Variants in CD93 observed in about 807,000 individuals in gnomAD.
CD93 encodes CD93 molecule.
CD93 carries 44 observed loss-of-function variants against 45.5 expected under a neutral mutation model. The observed-to-expected ratio is 0.97, with a 90% CI of 0.76 to 1.24. The LOEUF is 1.24. Among genes scored for constraint, CD93 ranks in the 50% most tolerant of loss-of-function variants. The pLI is 0.00. For synonymous variants in CD93, 431 were observed against 370.8 expected, an observed-to-expected ratio of 1.16 and a Z score of -1.87; for missense variants, 918 against 844.5, an observed-to-expected ratio of 1.09 and a Z score of -1.08.
At position 23,081,548 on chromosome 20, in the gene CD93, C is replaced by T. The variant is rs759151945; in HGVS notation, c.*2402G>A. The stretch of plus-strand genomic sequence containing the variant: ...CTGGTTGGGTTGCTGGCTCTCCCCC[C>T]GTGGTGGGAGTGGTGTGCAAGAGAA... On this transcript the variant is annotated 3_prime_UTR_variant, in exon 2 of 2. Coordinates refer to ENST00000246006, the MANE Select transcript of CD93 (RefSeq NM_012072.4). 6 of 152,364 alleles carry T rather than the reference C, an allele frequency of 3.9e-5. No individual in the cohort carries two copies. Among genetic ancestry groups the T allele is most frequent in the East Asian group, 1.9e-4 (1 of 5,184 alleles). The allele number at this position is 152,364 out of a possible 1,614,324, so 9.4% of individuals were successfully genotyped here.
In CD93 at chr20:23,084,957, C is replaced by T. The variant is rs1985440696; in HGVS notation, c.1236G>A (p.Glu412=). The change falls in exon 1 of 2, where the codon GAG becomes GAA. Residue 412 remains glutamate, a synonymous_variant. Transcript: ENST00000246006. ...CCTCCCCGGCCAGGACGTAGCCCTCCTCACAGGAGCAGTGAAATGAGCCAT... is the reference window on the plus strand; with the variant it reads ...CCTCCCCGGCCAGGACGTAGCCCTCTTCACAGGAGCAGTGAAATGAGCCAT... ...NTDGSFHCSC[E]EGYVLAGEDG... The T allele has an allele frequency of 2.1e-5, 34 of 1,613,672 alleles. No individual in the cohort carries two copies. Among genetic ancestry groups the T allele is most frequent in the African/African-American group, 2.7e-5 (2 of 74,932 alleles).
rs201425730 is a variant in CD93 at position 23,084,876 on chromosome 20, G to C, written c.1317C>G (p.Cys439Trp). 5 of 1,612,880 alleles carry C rather than the reference G, an allele frequency of 3.1e-6. No homozygotes were observed. The highest frequency in any genetic ancestry group is 1.1e-5 in the South Asian group (1 of 91,042). Residue 439 changes from cysteine to tryptophan, a missense_variant, in exon 1 of 2, where the codon TGC (cysteine) becomes TGG (tryptophan). Coordinates refer to ENST00000246006, the MANE Select transcript of CD93 (RefSeq NM_012072.4). Reference sequence around the variant, plus strand: ...CTTGTGTGTTGAAGCACAAGCTGTCGCAGAGGGGGCCCCCCGGGCCCACAC... The same window carrying C: ...CTTGTGTGTTGAAGCACAAGCTGTCCCAGAGGGGGCCCCCCGGGCCCACAC... Reference protein sequence around the residue: ...DECVGPGGPLCDSLCFNTQGS... With the variant: ...DECVGPGGPLWDSLCFNTQGS...
chr20:23,086,319 G>T lies in CD93; in HGVS notation c.-127C>A. On this transcript the variant is annotated 5_prime_UTR_variant, in exon 1 of 2. Transcript: ENST00000246006. ...GCTGCAGCCACTCCGGCGCAGAGAA[G>T]GACACAAAGGCTGAGGGCTTTCCAC... 1.7e-6 allele frequency: 2 copies of T among 1,204,894 alleles called. No homozygotes were observed. The highest frequency in any genetic ancestry group is 2.2e-6 in the Non-Finnish European group (2 of 889,462). 74.6% of individuals were successfully genotyped at this position (1,204,894 alleles called of 1,614,324 possible).
Position 23,084,359 on chromosome 20 carries a change from T to A in CD93, c.1834A>T (p.Lys612Ter). Residue 612 changes from lysine to a stop codon, truncating the protein, a stop_gained, in exon 1 of 2, where the codon AAG becomes TAG. Transcript: ENST00000246006. LOFTEE classifies it high-confidence loss of function. ...GLLVYRKRRA[K>*]REEKKEKKPQ... ...TTCTTCTCCTTCTTCTCCTCCCTCTTCGCTCTCCGCTTGCGATAGACCAGT... is the reference window on the plus strand; with the variant it reads ...TTCTTCTCCTTCTTCTCCTCCCTCTACGCTCTCCGCTTGCGATAGACCAGT... 6.2e-7 allele frequency: 1 copy of A among 1,614,212 alleles called. No individual in the cohort carries two copies. The highest frequency in any genetic ancestry group is 2.2e-5 in the East Asian group (1 of 44,886).
Position 23,085,130 on chromosome 20 carries a change from C to A in CD93, c.1063G>T (p.Ala355Ser). 1 of 1,586,420 alleles carries A rather than the reference C, an allele frequency of 6.3e-7. No individual in the cohort carries two copies. Among genetic ancestry groups the A allele is most frequent in the South Asian group, 1.2e-5 (1 of 86,440 alleles). The change falls in exon 1 of 2, where the codon GCC becomes TCC. Residue 355 changes from alanine to serine, a missense_variant. Transcript: ENST00000246006. ...CCAGGGGTGTTGACACACTCCTGGGCACAGGGGGAGTCCTGGCATTCATCC... is the reference window on the plus strand; with the variant it reads ...CCAGGGGTGTTGACACACTCCTGGGAACAGGGGGAGTCCTGGCATTCATCC... ...DVDECQDSPC[A>S]QECVNTPGGF...
Position 23,085,567 on chromosome 20 carries a change from C to T in CD93, c.626G>A (p.Ser209Asn), listed in dbSNP as rs1319914466. 1 of 1,613,916 alleles carries T rather than the reference C, an allele frequency of 6.2e-7. No homozygotes were observed. ...VTYTTPFQTT[S>N]SSLEAVPFAS... ...AAAGGGCACAGCCTCCAAGGAGGAA[C>T]TGGTGGTCTGGAAGGGGGTGGTGTA... The change falls in exon 1 of 2, where the codon AGT becomes AAT. Residue 209 changes from serine to asparagine, a missense_variant. Transcript: ENST00000246006.
chr20:23,085,659 G>T lies in CD93; in HGVS notation c.534C>A (p.Phe178Leu). The T allele has an allele frequency of 6.2e-7, 1 of 1,611,568 alleles. No individual in the cohort carries two copies. Among genetic ancestry groups the T allele is most frequent in the Non-Finnish European group, 8.5e-7 (1 of 1,179,364 alleles). Residue 178 changes from phenylalanine (F) to leucine (L), a missense_variant, in exon 1 of 2, where the codon TTC (phenylalanine) becomes TTA (leucine). Physicochemically the swap from Phe to Leu is conservative, Grantham distance 22 (BLOSUM62 0). Transcript: ENST00000246006. ...TGCCTTTGAAGCTGAACTTGCACAC[G>T]AAGCCCTCAATGTTACTTCCGGGGG... ...PGSPGSNIEG[F>L]VCKFSFKGMC...
chr20:23,079,586 C>A lies in CD93; in HGVS notation c.*4364G>T, dbSNP rs1329632139. ...GAATTAGTCAAACAAATTTGAAATA[C>A]ACACATTTAAAAATACTTACATTCT... On this transcript the variant is annotated 3_prime_UTR_variant, in exon 2 of 2. Transcript: ENST00000246006. 1.3e-5 allele frequency: 2 copies of A among 152,152 alleles called. No individual in the cohort carries two copies. Among genetic ancestry groups the A allele is most frequent in the Non-Finnish European group, 1.5e-5 (1 of 68,024 alleles). 9.4% of individuals were successfully genotyped at this position (152,152 alleles called of 1,614,324 possible). A position where few individuals can be genotyped will look rare whatever the true frequency, so the allele number is the denominator to read the frequency against.
rs764491469 is a variant in CD93 at position 23,084,427 on chromosome 20, G to A, written c.1766C>T (p.Thr589Ile). ...QKLLLFYILG[T>I]VVAILLLLAL... ...CAGCAGGAGTAGGATGGCCACCACG[G>A]TGCCTAGGATGTAGAATAAAAGCAG... Residue 589 changes from threonine to isoleucine, a missense_variant, in exon 1 of 2, where the codon ACC (threonine) becomes ATC (isoleucine). By Grantham distance (89) the Thr-to-Ile change is moderately conservative (BLOSUM62 -1). Transcript: ENST00000246006. 5 of 1,614,218 alleles carry A rather than the reference G, an allele frequency of 3.1e-6. No individual in the cohort carries two copies. In the Admixed American group the frequency reaches 8.3e-5, roughly 27 times the overall value.
chr20:23,085,528 T>G lies in CD93; in HGVS notation c.665A>C (p.Asn222Thr). ...CTTGTCACCTTCCCCACAGGCTACA[T>G]TGGCCGCAGAGGCAAAGGGCACAGC... Reference protein sequence around the residue: ...LEAVPFASAANVACGEGDKDE... With the variant: ...LEAVPFASAATVACGEGDKDE... The change falls in exon 1 of 2, where the codon AAT becomes ACT. Residue 222 changes from asparagine (N) to threonine (T), a missense_variant. By Grantham distance (65) the Asn-to-Thr change is moderately conservative (BLOSUM62 0). Transcript: ENST00000246006. 6.2e-7 allele frequency: 1 copy of G among 1,613,928 alleles called. No individual in the cohort carries two copies. The highest frequency in any genetic ancestry group is 8.5e-7 in the Non-Finnish European group (1 of 1,180,028).
At chr20:23,084,041 G>A in intron 1 of CD93, 67 bp from the exon 2 acceptor site, 1 of 1,589,664 alleles carries the variant, frequency 6.3e-7, no homozygotes, top group Admixed American at 1.7e-5. Context: ...CCCCACCTTG[G>A]GAGAGAGCCC....
In CD93 at chr20:23,084,717, G is replaced by T; in HGVS notation, c.1476C>A (p.Ser492Arg). The change falls in exon 1 of 2, where the codon AGC (serine) becomes AGA (arginine). Residue 492 changes from serine (S) to arginine (R), a missense_variant. By Grantham distance (110) the Ser-to-Arg change is moderately radical. Transcript: ENST00000246006. ...DEEDKGEKEGSTVPRAATASP... is the reference protein window; with the variant it reads ...DEEDKGEKEGRTVPRAATASP... Reference sequence around the variant, plus strand: ...TGGCTGTTGCAGCACGGGGCACGGTGCTCCCTTCTTTCTCTCCTTTGTCCT... The same window carrying T: ...TGGCTGTTGCAGCACGGGGCACGGTTCTCCCTTCTTTCTCTCCTTTGTCCT... 1.9e-6 allele frequency: 3 copies of T among 1,597,482 alleles called. No homozygotes were observed. Among genetic ancestry groups the T allele is most frequent in the East Asian group, 2.2e-5 (1 of 44,740 alleles).
rs1985280522 is a variant in CD93 at position 23,079,912 on chromosome 20, G to C, written c.*4038C>G. On this transcript the variant is annotated 3_prime_UTR_variant, in exon 2 of 2. Transcript: ENST00000246006. ...AGTGAGTATTTGTCTCAGGAATCTA[G>C]TATGAAAATAGTGTCTTTGATTAGT... is the stretch of plus-strand genomic sequence containing the variant. 6.6e-6 allele frequency: 1 copy of C among 151,636 alleles called. No individual in the cohort carries two copies. Among genetic ancestry groups the C allele is most frequent in the Non-Finnish European group, 1.5e-5 (1 of 67,970 alleles). 9.4% of individuals were successfully genotyped at this position (151,636 alleles called of 1,614,324 possible).
At position 23,085,713 on chromosome 20, in the gene CD93, C is replaced by A. The variant is rs1407657203; in HGVS notation, c.480G>T (p.Trp160Cys). Residue 160 changes from tryptophan (W) to cysteine (C), a missense_variant, in exon 1 of 2, where the codon TGG becomes TGT. Physicochemically the swap from Trp to Cys is radical, Grantham distance 215. Coordinates refer to ENST00000246006, the MANE Select transcript of CD93 (RefSeq NM_012072.4). ...QPLLPSRLPK[W>C]SEGPCGSPGS... ...CTGGGCTCCCACAGGGGCCCTCAGA[C>A]CACTTGGGGAGGCGGCTGGGAAGGA... 1 of 1,611,438 alleles carries A rather than the reference C, an allele frequency of 6.2e-7. No homozygotes were observed. Among genetic ancestry groups the A allele is most frequent in the East Asian group, 2.2e-5 (1 of 44,876 alleles).
chr20:23,085,882 C>A lies in CD93; in HGVS notation c.311G>T (p.Cys104Phe). 6.3e-7 allele frequency: 1 copy of A among 1,580,522 alleles called. No individual in the cohort carries two copies. Among genetic ancestry groups the A allele is most frequent in the Admixed American group, 1.8e-5 (1 of 57,008 alleles). Residue 104 changes from cysteine to phenylalanine, a missense_variant, in exon 1 of 2, where the codon TGC becomes TTC. Transcript: ENST00000246006. ...WIGLQREKGKCLDPSLPLKGF... is the reference protein window; with the variant it reads ...WIGLQREKGKFLDPSLPLKGF... The stretch of plus-strand genomic sequence containing the variant: ...CTTCAGCGGCAGACTAGGGTCCAGG[C>A]ACTTGCCCTTCTCTCGCTGGAGCCC...
chr20:23,084,151 T>C (rs1985403135), intron 1 of CD93, 108 bp downstream of exon 1: 2 of 1,459,642 alleles, frequency 1.4e-6, no homozygotes, highest in Non-Finnish European at 1.9e-6. Flanking sequence ...CCAGGGTGTG[T>C]CTGCCCACAG....
rs953312046 is a variant in CD93 at position 23,083,217 on chromosome 20, T to C, written c.*733A>G. 3 of 152,276 alleles carry C rather than the reference T, an allele frequency of 2.0e-5. No individual in the cohort carries two copies. Among genetic ancestry groups the C allele is most frequent in the Admixed American group, 1.3e-4 (2 of 15,282 alleles). The allele number at this position is 152,276 out of a possible 1,614,324, so 9.4% of individuals were successfully genotyped here. On this transcript the variant is annotated 3_prime_UTR_variant, in exon 2 of 2. Transcript: ENST00000246006. ...TCTCTCGCCCTAGCCCCGTAGATTATGTGACTTCACAAACACCTGTAATGC... is the reference window on the plus strand; with the variant it reads ...TCTCTCGCCCTAGCCCCGTAGATTACGTGACTTCACAAACACCTGTAATGC...
chr20:23,084,549 G>T lies in CD93; in HGVS notation c.1644C>A (p.Ser548Arg), dbSNP rs1985417742. Residue 548 changes from serine to arginine, a missense_variant, in exon 1 of 2, where the codon AGC (serine) becomes AGA (arginine). Physicochemically the swap from Ser to Arg is moderately radical, Grantham distance 110 (BLOSUM62 -1). Coordinates refer to ENST00000246006, the MANE Select transcript of CD93 (RefSeq NM_012072.4). ...SGSPGVWREP[S>R]IHHATAASGP... Reference sequence around the variant, plus strand: ...CAGAGGCAGCTGTGGCGTGATGGATGCTGGGCTCCCTCCAGACGCCTGGGG... The same window carrying T: ...CAGAGGCAGCTGTGGCGTGATGGATTCTGGGCTCCCTCCAGACGCCTGGGG... 1 of 1,612,448 alleles carries T rather than the reference G, an allele frequency of 6.2e-7. No individual in the cohort carries two copies.
In CD93 at chr20:23,085,556, C is replaced by T; in HGVS notation, c.637G>A (p.Glu213Lys). 1 of 1,613,950 alleles carries T rather than the reference C, an allele frequency of 6.2e-7. No homozygotes were observed. Among genetic ancestry groups the T allele is most frequent in the East Asian group, 2.2e-5 (1 of 44,866 alleles). ...GCCGCAGAGGCAAAGGGCACAGCCTCCAAGGAGGAACTGGTGGTCTGGAAG... is the reference window on the plus strand; with the variant it reads ...GCCGCAGAGGCAAAGGGCACAGCCTTCAAGGAGGAACTGGTGGTCTGGAAG... ...TPFQTTSSSL[E>K]AVPFASAANV... The change falls in exon 1 of 2, where the codon GAG (glutamate) becomes AAG (lysine). Residue 213 changes from glutamate to lysine, a missense_variant. By Grantham distance (56) the Glu-to-Lys change is moderately conservative. Transcript: ENST00000246006.
Sources: allele counts gnomAD v4.1 joint callset, GRCh38; gene constraint gnomAD v4.1.1; transcripts MANE v1.5; gene names NCBI Gene and HGNC (gene_info 2026-07-23, HGNC 2026-07-21).